TMCO4: variants seen among roughly 807,000 people sequenced by gnomAD.
TMCO4 encodes transmembrane and coiled-coil domains 4.
A neutral mutation model predicts 64.7 loss-of-function variants in TMCO4; 58 were observed. The observed-to-expected ratio is 0.90, with a 90% CI of 0.73 to 1.12. TMCO4 has a LOEUF of 1.12. TMCO4 is among the 50% of genes most tolerant of loss of function. TMCO4 has a pLI of 0.00. For missense variants in TMCO4, 780 were observed against 825.9 expected (o/e 0.94, Z 0.68); for synonymous variants, 325 against 346.1 (o/e 0.94, Z 0.68).
At chr1:19,691,534 A>C (rs2095194847) in intron 15 of TMCO4, among the ~76,000 whole-genome samples, 1 of 152,186 alleles carries the variant, frequency 6.6e-6, no homozygotes, top group Non-Finnish European at 1.5e-5. Context: ...CATGCAGCCC[A>C]GTGTGAGCCA....
rs560046245 is a variant in TMCO4, at chr1:19,771,369, A to G, written c.293T>C (p.Val98Ala). 2.8e-5 allele frequency: 45 copies of G among 1,614,212 alleles called. No homozygotes were observed. The East Asian group carries it at 6.2e-4, about 22-fold the overall frequency. The change falls in exon 5 of 16, where the codon GTG becomes GCG. Residue 98 changes from valine (V) to alanine (A), a missense_variant. Val to Ala is a moderately conservative substitution (Grantham distance 64). Transcript: ENST00000294543. ...GTCCTTCAGTAAAATTTGAACAAAC[A>G]CATCTGCTCCTTCACCTCCCAGGCC... ...ASGLGGEGADVFVQILLKDPI... is the reference protein window; with the variant it reads ...ASGLGGEGADAFVQILLKDPI...
At chr1:19,688,645 G>A (rs1166088522) in intron 15 of TMCO4, among the ~76,000 whole-genome samples, 2 of 152,210 alleles carry the variant, frequency 1.3e-5, no homozygotes, top group African/African-American at 4.8e-5. Flanking sequence ...TACTGAAGCA[G>A]TGGTTAACAG....
intron 15 of TMCO4, among the ~76,000 whole-genome samples, chr1:19,693,481 C>A (rs1404446114): frequency 6.6e-6 from 1 of 152,008 alleles, no homozygotes; most frequent in African/African-American, 2.4e-5. Flanking sequence ...CCATCTCAAA[C>A]AAAAACAAAA....
At chr1:19,747,340 CAG>C in intron 7 of TMCO4, 80 bp from the exon 8 acceptor site, 2 of 1,232,426 alleles carry the variant, frequency 1.6e-6, no homozygotes, top group Non-Finnish European at 1.2e-6. Flanking sequence ...AACCCTCAAA[CAG>C]GGGCCAATGC....
chr1:19,786,689 G>A (rs570410638), intron 3 of TMCO4, among the ~76,000 whole-genome samples: 1 of 152,280 alleles, frequency 6.6e-6, no homozygotes, highest in Admixed American at 6.5e-5. Context: ...AGGGTGCATG[G>A]AACCTCTTGG....
intron 6 of TMCO4, among the ~76,000 whole-genome samples, chr1:19,766,384 G>A (rs930070151): frequency 1.3e-5 from 2 of 152,128 alleles, no homozygotes; most frequent in Admixed American, 1.3e-4. Flanking sequence ...TAGAACCCAA[G>A]ACAGTTTTTA....
chr1:19,741,799 C>A (rs1186450011), intron 10 of TMCO4, among the ~76,000 whole-genome samples: 1 of 150,414 alleles, frequency 6.6e-6, no homozygotes, highest in African/African-American at 2.5e-5. Flanking sequence ...TGTAGTGGCA[C>A]GATCTCGGTT....
chr1:19,765,573 A>T lies in TMCO4; in HGVS notation c.382+4969T>A, dbSNP rs72967421. 8.4e-3 allele frequency among the ~76,000 whole-genome samples: 1,280 copies of T among 152,190 alleles called. 15 individuals are homozygous for T. Among genetic ancestry groups the T allele is most frequent in the African/African-American group, 0.029 (1,208 of 41,516 alleles). ...CAGAATAGCCCCCCACAACAGAATG[A>T]TCCAGCCTCAAACATCAATTGTGTG... On this transcript the variant is annotated intron_variant, in intron 6 of 15. Coordinates refer to ENST00000294543, the MANE Select transcript of TMCO4 (RefSeq NM_181719.7).
chr1:19,704,388 A>C (rs1189779270), intron 13 of TMCO4, among the ~76,000 whole-genome samples: 1 of 152,244 alleles, frequency 6.6e-6, no homozygotes, highest in Non-Finnish European at 1.5e-5. Context: ...AGACGAGGAA[A>C]CAGGGTCAGA....
rs572220920 is a variant in TMCO4 at position 19,701,749 on chromosome 1, G to C, written c.1265-864C>G. 2.0e-5 allele frequency among the ~76,000 whole-genome samples: 3 copies of C among 152,084 alleles called. No individual in the cohort carries two copies. In the South Asian group the frequency reaches 6.2e-4, roughly 32 times the overall value. On this transcript the variant is annotated intron_variant, in intron 13 of 15. Coordinates refer to ENST00000294543, the MANE Select transcript of TMCO4 (RefSeq NM_181719.7). ...GGAAGTGGGGGGTGAAGAGGAGAGG[G>C]GGCGAGTAGGTCCTGGGGTCAGGGA...
rs1340298631 is a variant in TMCO4, at chr1:19,683,427, G to T, written c.1518C>A (p.Asp506Glu). The T allele has an allele frequency of 6.2e-7, 1 of 1,612,968 alleles. No individual in the cohort carries two copies. ...GGATGGCATCCATCTGCTTGGCATAGTCCAGGTGGCCGCTGACCTGCAGGA... is the reference window on the plus strand; with the variant it reads ...GGATGGCATCCATCTGCTTGGCATATTCCAGGTGGCCGCTGACCTGCAGGA... ...DLTSVVSGHL[D>E]YAKQMDAILK... Residue 506 changes from aspartate to glutamate, a missense_variant, in exon 16 of 16, where the codon GAC becomes GAA. By Grantham distance (45) the Asp-to-Glu change is conservative. Transcript: ENST00000294543.
intron 2 of TMCO4, among the ~76,000 whole-genome samples, chr1:19,791,654 T>C (rs1324440383): frequency 2.6e-5 from 4 of 152,222 alleles, no homozygotes; most frequent in Non-Finnish European, 5.9e-5. Context: ...AAGAGAGTGC[T>C]GGATTCCTGC....
At chr1:19,798,495 A>T (rs1360485365) in intron 1 of TMCO4, among the ~76,000 whole-genome samples, 1 of 152,196 alleles carries the variant, frequency 6.6e-6, no homozygotes, top group Non-Finnish European at 1.5e-5. Flanking sequence ...AAAGTGTCAG[A>T]TACTGCACTG....
Position 19,757,166 on chromosome 1 carries a change from G to C in TMCO4, c.383-1400C>G, listed in dbSNP as rs868546114. Among the ~76,000 whole-genome samples, 9 of 150,588 alleles carry C rather than the reference G, an allele frequency of 6.0e-5. No homozygotes were observed. In the East Asian group the frequency reaches 6.2e-4, roughly 10 times the overall value. On this transcript the variant is annotated intron_variant, in intron 6 of 15. Coordinates refer to ENST00000294543, the MANE Select transcript of TMCO4 (RefSeq NM_181719.7). ...ATTAGCCAGGCGTGGTGGCGGGGGG[G>C]GGCGCCTGTAATTTCCAGCAACTTG...
intron 2 of TMCO4, among the ~76,000 whole-genome samples, chr1:19,796,948 A>G (rs1227725226): frequency 6.6e-6 from 1 of 152,190 alleles, no homozygotes; most frequent in African/African-American, 2.4e-5. Context: ...CTCCCTCACT[A>G]GAGGAAGCTC....
At chr1:19,721,965 A>C (rs1017893214) in intron 13 of TMCO4, among the ~76,000 whole-genome samples, 1 of 152,178 alleles carries the variant, frequency 6.6e-6, no homozygotes, top group Non-Finnish European at 1.5e-5. Flanking sequence ...TTCAAACACC[A>C]ATAGCCTTAA....
intron 2 of TMCO4, among the ~76,000 whole-genome samples, chr1:19,794,588 C>A (rs74058659): frequency 0.043 from 6,608 of 152,280 alleles, 485 homozygotes; most frequent in African/African-American, 0.15. Context: ...ACAGGGGGGA[C>A]CCCTCAATAC....
At chr1:19,689,571 A>C (rs2095176239) in intron 15 of TMCO4, among the ~76,000 whole-genome samples, 1 of 152,240 alleles carries the variant, frequency 6.6e-6, no homozygotes, top group Non-Finnish European at 1.5e-5. Flanking sequence ...TCACACAGCC[A>C]GTAAACCAGT....
At position 19,709,726 on chromosome 1, in the gene TMCO4, G is replaced by GTT. The variant is rs143760742; in HGVS notation, c.1265-8843_1265-8842dup. Among the ~76,000 whole-genome samples, 8 of 143,564 alleles carry GTT rather than the reference G, an allele frequency of 5.6e-5. No individual in the cohort carries two copies. In the South Asian group the frequency reaches 6.6e-4, roughly 12 times the overall value. The allele number at this position is 143,564 out of a possible 152,430, so 94.2% of individuals were successfully genotyped here. On this transcript the variant is annotated intron_variant, in intron 13 of 15. Transcript: ENST00000294543. The stretch of plus-strand genomic sequence containing the variant: ...CTGCAAGGCTTTTTTGTTTCTGTTT[G>GTT]TTTTTTTTTTGTATAAAAACAAACA...
Sources: allele counts gnomAD v4.1 joint callset (sites outside exome capture counted in the v4.1 genomes callset), GRCh38; gene constraint gnomAD v4.1.1; transcripts MANE v1.5; gene names NCBI Gene and HGNC (gene_info 2026-07-23, HGNC 2026-07-21).